ARHGAP26: variants seen among roughly 807,000 people sequenced by gnomAD.
The protein encoded by ARHGAP26 is rho GTPase-activating protein 26.
ARHGAP26 carries 38 observed loss-of-function variants against 104.8 expected under a neutral mutation model. The observed-to-expected ratio is 0.36, with a 90% confidence interval of 0.28 to 0.48. The LOEUF (loss-of-function observed/expected upper bound fraction) is 0.48, where lower values mean the gene tolerates loss of function less well. ARHGAP26 is among the 20% of genes least tolerant of loss of function. The pLI, the probability that ARHGAP26 is intolerant of heterozygous loss-of-function variation, is 0.99. For synonymous variants in ARHGAP26, 341 were observed against 340.0 expected (o/e 1.00, Z -0.03); for missense variants, 704 against 947.9 (o/e 0.74, Z 3.38).
chr5:143,121,590 T>C (rs560909259), intron 18 of ARHGAP26, among the ~76,000 whole-genome samples: 5 of 152,260 alleles, frequency 3.3e-5, no homozygotes, highest in Non-Finnish European at 7.3e-5. Flanking sequence ...TCATTTGTGT[T>C]GCAAATATTT....
intron 9 of ARHGAP26, among the ~76,000 whole-genome samples, chr5:142,911,305 T>C (rs1007280823): frequency 6.6e-6 from 1 of 152,230 alleles, no homozygotes; most frequent in African/African-American, 2.4e-5. Context: ...TTCTTCTTTC[T>C]ACTTTCCCTC....
chr5:143,194,637 C>T (rs933190272), intron 20 of ARHGAP26, among the ~76,000 whole-genome samples: 2 of 151,406 alleles, frequency 1.3e-5, no homozygotes, highest in African/African-American at 4.9e-5. Flanking sequence ...TCATTGACTT[C>T]TCTGTGGATA....
intron 1 of ARHGAP26, among the ~76,000 whole-genome samples, chr5:142,819,386 A>G (rs1765701944): frequency 6.6e-6 from 1 of 152,196 alleles, no homozygotes; most frequent in Non-Finnish European, 1.5e-5. Flanking sequence ...CAAAAAGGAC[A>G]CCTGGACAAG....
rs77069906 is a variant in ARHGAP26 at position 142,967,722 on chromosome 5, T to C, written c.1107+35597T>C. 1.6e-3 allele frequency among the ~76,000 whole-genome samples: 250 copies of C among 152,232 alleles called. 1 individual carries two copies. Among genetic ancestry groups the C allele is most frequent in the African/African-American group, 5.7e-3 (236 of 41,546 alleles). ...ACTAATTAGAACCAGAAGCATTTAG[T>C]TGGGTAAATAGAAGGAAGGAAAGAA... On this transcript the variant is annotated intron_variant, in intron 11 of 22. Transcript: ENST00000645722.
At chr5:143,190,656 T>A (rs1277187870) in intron 20 of ARHGAP26, among the ~76,000 whole-genome samples, 1 of 152,102 alleles carries the variant, frequency 6.6e-6, no homozygotes, top group East Asian at 1.9e-4. Context: ...AAGAAAAAAA[T>A]TAACAAATTG....
chr5:143,067,970 C>T (rs1052168073), intron 17 of ARHGAP26, among the ~76,000 whole-genome samples: 1 of 152,114 alleles, frequency 6.6e-6, no homozygotes, highest in Non-Finnish European at 1.5e-5. Flanking sequence ...TCGAGACCAG[C>T]CTGGCCAACA....
rs1795798862 is a variant in ARHGAP26 at position 143,118,877 on chromosome 5, C to A, written c.1539-2111C>A. Among the ~76,000 whole-genome samples the A allele has an allele frequency of 3.3e-5, 5 of 150,504 alleles. No individual in the cohort carries two copies. In the South Asian group the frequency reaches 1.0e-3, roughly 31 times the overall value. On this transcript the variant is annotated intron_variant, in intron 17 of 22. Transcript: ENST00000645722. ...ATGGGTGCAGCACACCAGCATGGCA[C>A]ATGTATACATATGTAACAAACCTGC...
chr5:142,794,372 G>A (rs771577649), intron 1 of ARHGAP26, among the ~76,000 whole-genome samples: 4 of 152,190 alleles, frequency 2.6e-5, no homozygotes, highest in Non-Finnish European at 5.9e-5. Context: ...TATAAATACA[G>A]AAGGAGGGGG....
chr5:143,074,328 A>G (rs1788683762), intron 17 of ARHGAP26, among the ~76,000 whole-genome samples: 1 of 152,188 alleles, frequency 6.6e-6, no homozygotes, highest in South Asian at 2.1e-4. Context: ...TTCGTCCATT[A>G]TAGAACTTTC....
chr5:143,213,017 C>T (rs574925761), intron 21 of ARHGAP26, among the ~76,000 whole-genome samples: 4 of 152,114 alleles, frequency 2.6e-5, no homozygotes, highest in Non-Finnish European at 4.4e-5. Flanking sequence ...TGGTAGCAGG[C>T]GCCTGTAGTC....
chr5:143,224,707 A>C lies in ARHGAP26; in HGVS notation c.*2261A>C, dbSNP rs1047659032. 2 of 229,286 alleles carry C rather than the reference A, an allele frequency of 8.7e-6. No homozygotes were observed. Among genetic ancestry groups the C allele is most frequent in the Non-Finnish European group, 1.7e-5 (2 of 115,640 alleles). The allele number at this position is 229,286 out of a possible 1,614,324, so 14.2% of individuals were successfully genotyped here. A position where few individuals can be genotyped will look rare whatever the true frequency, so the allele number is the denominator to read the frequency against. ...AAAGAACCAGCTTCTTAGAATGTTCAGTTCTCAATGTGCTGCTGCTTTCCC... is the reference window on the plus strand; with the variant it reads ...AAAGAACCAGCTTCTTAGAATGTTCCGTTCTCAATGTGCTGCTGCTTTCCC... On this transcript the variant is annotated 3_prime_UTR_variant, in exon 23 of 23. Coordinates refer to ENST00000645722, the MANE Select transcript of ARHGAP26 (RefSeq NM_001135608.3).
intron 1 of ARHGAP26, among the ~76,000 whole-genome samples, chr5:142,827,597 G>C (rs955572303): frequency 4.6e-5 from 7 of 152,176 alleles, no homozygotes; most frequent in Admixed American, 1.3e-4. Context: ...AGTCCTTACT[G>C]CCTCATTCAC....
At chr5:143,095,270 A>G (rs952257712) in intron 17 of ARHGAP26, among the ~76,000 whole-genome samples, 1 of 152,024 alleles carries the variant, frequency 6.6e-6, no homozygotes, top group African/African-American at 2.4e-5. Context: ...ATTCAATGGG[A>G]TTTAGTACAT....
chr5:143,211,309 G>T (rs1809422500), intron 21 of ARHGAP26, among the ~76,000 whole-genome samples: 1 of 152,116 alleles, frequency 6.6e-6, no homozygotes, highest in Non-Finnish European at 1.5e-5. Flanking sequence ...GTATACTAAA[G>T]AAATATTTAT....
intron 1 of ARHGAP26, among the ~76,000 whole-genome samples, chr5:142,801,686 AC>A (rs1762104281): frequency 6.8e-6 from 1 of 148,022 alleles, no homozygotes; most frequent in African/African-American, 2.5e-5. Context: ...AAGAATTCCC[AC>A]CCCTCCCCCA....
In ARHGAP26 at chr5:142,801,960, C is replaced by T. The variant is rs564056139; in HGVS notation, c.154+31045C>T. On this transcript the variant is annotated intron_variant, in intron 1 of 22. Coordinates refer to ENST00000645722, the MANE Select transcript of ARHGAP26 (RefSeq NM_001135608.3). ...ACTGGAGTGGGTGCGGGTCAGATTC[C>T]GTAACCTCGTGGAGAGAGGATAAAA... Among the ~76,000 whole-genome samples the T allele has an allele frequency of 5.3e-5, 8 of 152,226 alleles. No individual in the cohort carries two copies. In the South Asian group the frequency reaches 8.3e-4, roughly 16 times the overall value.
chr5:143,192,696 C>G (rs1806120215), intron 20 of ARHGAP26: 1 of 152,116 alleles, frequency 6.6e-6, no homozygotes, highest in Non-Finnish European at 1.5e-5. Context: ...AATGAGGAAA[C>G]CCAGCTAGCT....
rs1171300377 is a variant in ARHGAP26, at chr5:142,970,258, A to ATGTT, written c.1107+38134_1107+38137dup. ...CCCAGTTTCTGCCCTTTAAGGGCTT[A>ATGTT]TGTTCTAGGAGAGGGTAAGGGTCAT... is the stretch of plus-strand genomic sequence containing the variant. On this transcript the variant is annotated intron_variant, in intron 11 of 22. Transcript: ENST00000645722. Among the ~76,000 whole-genome samples, 5 of 152,334 alleles carry ATGTT rather than the reference A, an allele frequency of 3.3e-5. No homozygotes were observed. The East Asian group carries it at 7.7e-4, about 23-fold the overall frequency.
intron 17 of ARHGAP26, among the ~76,000 whole-genome samples, chr5:143,081,335 T>G (rs1789780703): frequency 6.6e-6 from 1 of 152,124 alleles, no homozygotes; most frequent in South Asian, 2.1e-4. Context: ...GCAGAGCCTT[T>G]GGCTGTATTC....
Sources: gnomAD v4.1 joint callset for allele counts (sites outside exome capture counted in the v4.1 genomes callset) on GRCh38, gnomAD v4.1.1 for gene constraint, MANE v1.5 for transcripts, NCBI Gene and HGNC (gene_info 2026-07-23, HGNC 2026-07-21) for gene names.